The following ZFPM2 variants were observed in gnomAD, a reference collection of about 807,000 sequenced individuals.
ZFPM2 encodes zinc finger protein, FOG family member 2, also known as zinc finger protein ZFPM2.
Under a neutral mutation model 98.6 loss-of-function variants are expected in ZFPM2, and 20 were observed. The ratio of observed to expected loss-of-function variants is 0.20; its 90% confidence interval spans 0.14 to 0.29. The LOEUF (loss-of-function observed/expected upper bound fraction) is 0.29, where lower values mean the gene tolerates loss of function less well. ZFPM2 is among the 10% of genes least tolerant of loss of function. The probability of loss-of-function intolerance (pLI) is 1.00; values close to 1 mark genes in which losing one functional copy is unlikely to be tolerated. For missense variants in ZFPM2, 1,310 were observed against 1,388.6 expected (o/e 0.94, Z 0.90); for synonymous variants, 518 against 502.7 (o/e 1.03, Z -0.41).
At chr8:105,718,466 C>A (rs1811577002) in intron 5 of ZFPM2, among the ~76,000 whole-genome samples, 1 of 151,934 alleles carries the variant, frequency 6.6e-6, no homozygotes, top group Non-Finnish European at 1.5e-5. Flanking sequence ...ATTTATGTAA[C>A]CATCTGCACA....
At chr8:105,463,582 TAAAC>T (rs1013829599) in intron 3 of ZFPM2, among the ~76,000 whole-genome samples, 9 of 152,002 alleles carry the variant, frequency 5.9e-5, no homozygotes, top group African/African-American at 1.4e-4. Flanking sequence ...CATTTATCTC[TAAAC>T]AAACAAACTA....
At chr8:105,712,531 C>T (rs185597783) in intron 5 of ZFPM2, among the ~76,000 whole-genome samples, 25 of 105,534 alleles carry the variant, frequency 2.4e-4, no homozygotes, top group Non-Finnish European at 3.4e-4. Context: ...AAATTTGGGG[C>T]GACTACAAGC....
intron 4 of ZFPM2, among the ~76,000 whole-genome samples, chr8:105,632,471 C>T (rs1816772029): frequency 6.6e-6 from 1 of 152,130 alleles, no homozygotes; most frequent in African/African-American, 2.4e-5. Flanking sequence ...CGCCCGACCA[C>T]CAGATCCTGA....
chr8:105,407,952 T>A (rs114687833), intron 1 of ZFPM2, among the ~76,000 whole-genome samples: 129 of 151,992 alleles, frequency 8.5e-4, no homozygotes, highest in Middle Eastern at 3.4e-3. Context: ...ATGATACAAG[T>A]ATTGGAGTAC....
intron 6 of ZFPM2, among the ~76,000 whole-genome samples, chr8:105,794,430 C>T (rs1297860359): frequency 6.6e-6 from 1 of 152,158 alleles, no homozygotes; most frequent in Non-Finnish European, 1.5e-5. Context: ...TCTCATCGTT[C>T]CTCTGGAAGT....
intron 5 of ZFPM2, among the ~76,000 whole-genome samples, chr8:105,708,760 G>A (rs1365335070): frequency 6.6e-6 from 1 of 152,068 alleles, no homozygotes; most frequent in Non-Finnish European, 1.5e-5. Flanking sequence ...TAGTAGATAA[G>A]AGTTTTTATA....
chr8:105,659,184 A>G (rs1166806923), intron 5 of ZFPM2, among the ~76,000 whole-genome samples: 4 of 152,248 alleles, frequency 2.6e-5, no homozygotes, highest in Non-Finnish European at 2.9e-5. Context: ...TCTGTATTTT[A>G]TAGAAGCATT....
At chr8:105,412,026 A>G (rs1586353509) in intron 1 of ZFPM2, among the ~76,000 whole-genome samples, 1 of 151,978 alleles carries the variant, frequency 6.6e-6, no homozygotes, top group African/African-American at 2.4e-5. Context: ...TCTCAAAGCA[A>G]GGCATTTCGG....
intron 5 of ZFPM2, among the ~76,000 whole-genome samples, chr8:105,717,098 T>C (rs1811543099): frequency 6.6e-6 from 1 of 152,042 alleles, no homozygotes; most frequent in Non-Finnish European, 1.5e-5. Flanking sequence ...AAAATTATAC[T>C]GCATGCATGT....
intron 3 of ZFPM2, among the ~76,000 whole-genome samples, chr8:105,537,143 A>G (rs1269053823): frequency 1.3e-5 from 2 of 152,176 alleles, no homozygotes; most frequent in Non-Finnish European, 2.9e-5. Context: ...ACTATAAAGC[A>G]TTGTAATTAG....
intron 1 of ZFPM2, among the ~76,000 whole-genome samples, chr8:105,411,009 A>G (rs1373066529): frequency 6.6e-6 from 1 of 151,874 alleles, no homozygotes; most frequent in South Asian, 2.1e-4. Context: ...AGGACCATGG[A>G]TTTCACACTG....
At chr8:105,596,508 G>A (rs544049531) in intron 4 of ZFPM2, among the ~76,000 whole-genome samples, 31 of 152,068 alleles carry the variant, frequency 2.0e-4, no homozygotes, top group African/African-American at 6.7e-4. Context: ...GGGAAAGAAG[G>A]TATTCTACTT....
intron 5 of ZFPM2, among the ~76,000 whole-genome samples, chr8:105,754,911 T>C (rs1292721579): frequency 6.6e-6 from 1 of 151,916 alleles, no homozygotes; most frequent in Non-Finnish European, 1.5e-5. Context: ...TGTGTCTGCT[T>C]TCCCACATTT....
intron 1 of ZFPM2, among the ~76,000 whole-genome samples, chr8:105,330,619 T>TACAC (rs372135828): frequency 0.05 from 4,392 of 88,206 alleles, 166 homozygotes; most frequent in Non-Finnish European, 0.075. Flanking sequence ...TACACATATA[T>TACAC]ATATATATAT....
intron 5 of ZFPM2, among the ~76,000 whole-genome samples, chr8:105,702,449 C>T (rs562847716): frequency 6.6e-6 from 1 of 152,172 alleles, no homozygotes; most frequent in Admixed American, 6.5e-5. Context: ...GTGTTAATGG[C>T]TGTGTCATTT....
chr8:105,379,463 T>C (rs1810798209), intron 1 of ZFPM2, among the ~76,000 whole-genome samples: 1 of 152,020 alleles, frequency 6.6e-6, no homozygotes. Flanking sequence ...TAATTAAAAG[T>C]TTACATTGGT....
At chr8:105,427,292 C>G (rs1247682178) in intron 2 of ZFPM2, among the ~76,000 whole-genome samples, 1 of 152,070 alleles carries the variant, frequency 6.6e-6, no homozygotes, top group African/African-American at 2.4e-5. Context: ...ATCATCATAA[C>G]AGTTGCAACC....
chr8:105,341,126 G>T (rs574427791), intron 1 of ZFPM2, among the ~76,000 whole-genome samples: 160 of 152,022 alleles, frequency 1.1e-3, no homozygotes, highest in Non-Finnish European at 1.7e-3. Flanking sequence ...CAGAAATGGA[G>T]TTAAGTTGGG....
intron 5 of ZFPM2, among the ~76,000 whole-genome samples, chr8:105,668,491 C>A (rs1817528164): frequency 6.6e-6 from 1 of 151,906 alleles, no homozygotes; most frequent in Non-Finnish European, 1.5e-5. Flanking sequence ...TAGAAGTATC[C>A]CTTTCTTGAG....
Sources: gnomAD v4.1 joint callset for allele counts (sites outside exome capture counted in the v4.1 genomes callset) on GRCh38, gnomAD v4.1.1 for gene constraint, MANE v1.5 for transcripts, NCBI Gene and HGNC (gene_info 2026-07-23, HGNC 2026-07-21) for gene names.